CDHR3: variants seen among roughly 807,000 people sequenced by gnomAD.
CDHR3 encodes cadherin-related family member 3.
CDHR3 carries 79 observed loss-of-function variants against 86.6 expected under a neutral mutation model. The observed-to-expected ratio is 0.91, with a 90% CI of 0.76 to 1.10. CDHR3 has a LOEUF of 1.10. Among genes scored for constraint, CDHR3 ranks in the 50% least tolerant of loss-of-function variants. The pLI is 0.00. For missense variants in CDHR3, 1,081 were observed against 1,077.6 expected (o/e 1.00, Z -0.04); for synonymous variants, 421 against 402.4 (o/e 1.05, Z -0.55).
chr7:106,005,752 G>A (rs896333159), intron 8 of CDHR3, among the ~76,000 whole-genome samples: 1 of 152,192 alleles, frequency 6.6e-6, no homozygotes, highest in Non-Finnish European at 1.5e-5. Context: ...TTATACTCAT[G>A]AATGTCTCCC....
chr7:105,984,132 G>A, intron 3 of CDHR3, 60 bp from the exon 4 acceptor site: 1 of 1,034,402 alleles, frequency 9.7e-7, no homozygotes, highest in South Asian at 1.9e-5. Flanking sequence ...CCTTGATTTT[G>A]GAATTCCCCA....
intron 18 of CDHR3, among the ~76,000 whole-genome samples, chr7:106,031,603 C>T (rs1838379274): frequency 6.6e-6 from 1 of 152,162 alleles, no homozygotes; most frequent in Non-Finnish European, 1.5e-5. Flanking sequence ...TTAAATTTCC[C>T]TCTATTATTA....
At chr7:106,007,725 A>G (rs571548363) in intron 8 of CDHR3, among the ~76,000 whole-genome samples, 102 of 152,232 alleles carry the variant, frequency 6.7e-4, no homozygotes, top group African/African-American at 2.4e-3. Flanking sequence ...GGAGTTCCAA[A>G]CTTTCCCACA....
chr7:106,030,063 AT>A lies in CDHR3; in HGVS notation c.2305-727del, dbSNP rs1185632999. 6.6e-6 allele frequency among the ~76,000 whole-genome samples: 1 copy of A among 152,126 alleles called. No individual in the cohort carries two copies. The highest frequency in any genetic ancestry group is 1.9e-4 in the East Asian group (1 of 5,186). ...ATCCTTTAAGTGATAAAAACTGGAG[AT>A]TGGAAAGCTTGCTAAACTCCAAACA... On this transcript the variant is annotated intron_variant, in intron 17 of 18. Transcript: ENST00000317716. The surrounding 1 kb of genome is among the most constrained non-coding windows in gnomAD (Gnocchi z 4.8).
At chr7:105,991,171 A>C (rs1160016131) in intron 4 of CDHR3, among the ~76,000 whole-genome samples, 1 of 152,226 alleles carries the variant, frequency 6.6e-6, no homozygotes, top group Non-Finnish European at 1.5e-5. Context: ...CTGTTTTCCA[A>C]GAATGAATAT....
intron 2 of CDHR3, among the ~76,000 whole-genome samples, chr7:105,979,032 T>A (rs182613375): frequency 6.6e-6 from 1 of 152,260 alleles, no homozygotes; most frequent in East Asian, 1.9e-4. Context: ...CTTGAACAGT[T>A]TTTGACTACT....
intron 2 of CDHR3, among the ~76,000 whole-genome samples, chr7:105,980,729 CCTGA>C (rs1361886147): frequency 2.0e-5 from 3 of 150,676 alleles, no homozygotes; most frequent in Admixed American, 6.7e-5. Flanking sequence ...CAGAAGGTCT[CCTGA>C]CTATTTTTCT....
At chr7:105,974,781 A>T in intron 1 of CDHR3, 63 bp from the exon 2 acceptor site, 1 of 1,343,470 alleles carries the variant, frequency 7.4e-7, no homozygotes, top group Non-Finnish European at 1.1e-6. Context: ...CCAAGCTGTT[A>T]AGTCCCTGTT....
In CDHR3 at chr7:106,034,613, A is replaced by G. The variant is rs1838759351; in HGVS notation, c.*1916A>G. ...TTTGCAAAAGAAGGCAGAACTGTTC[A>G]TTTATGCAGGTTAAAGTGAGTGAAG... On this transcript the variant is annotated 3_prime_UTR_variant, in exon 19 of 19. Coordinates refer to ENST00000317716, the MANE Select transcript of CDHR3 (RefSeq NM_152750.5). Among the ~76,000 whole-genome samples the G allele has an allele frequency of 6.6e-6, 1 of 152,244 alleles. No homozygotes were observed. Among genetic ancestry groups the G allele is most frequent in the South Asian group, 2.1e-4 (1 of 4,834 alleles).
intron 1 of CDHR3, 45 bp from the exon 2 acceptor site, chr7:105,974,799 A>G: frequency 6.5e-7 from 1 of 1,532,174 alleles, no homozygotes; most frequent in Non-Finnish European, 9.0e-7. Context: ...GTTCCCAGCA[A>G]AAGGCTTTGT....
chr7:105,983,589 C>T (rs1313396667), intron 3 of CDHR3, among the ~76,000 whole-genome samples: 1 of 151,990 alleles, frequency 6.6e-6, no homozygotes, highest in Non-Finnish European at 1.5e-5. Context: ...GCTCTGTGGC[C>T]CCTTGGTCAG....
intron 17 of CDHR3, among the ~76,000 whole-genome samples, chr7:106,028,932 CTTTCTT>C (rs1554532726): frequency 8.6e-6 from 1 of 116,054 alleles, no homozygotes; most frequent in African/African-American, 3.3e-5. Context: ...TTCTTTCTTT[CTTTCTT>C]TCTTTCTTTC....
At chr7:105,994,898 A>G in intron 5 of CDHR3, 53 bp downstream of exon 5, 1 of 1,419,088 alleles carries the variant, frequency 7.0e-7, no homozygotes. Flanking sequence ...GGGTCAAGGA[A>G]AACATGAGGG....
intron 2 of CDHR3, among the ~76,000 whole-genome samples, chr7:105,980,607 A>ATTT: frequency 1.0e-5 from 1 of 98,522 alleles, no homozygotes; most frequent in Non-Finnish European, 2.0e-5. Flanking sequence ...TTTTTTTTTA[A>ATTT]TTTTTTTTTT....
chr7:105,971,926 A>C (rs118117238), intron 1 of CDHR3, among the ~76,000 whole-genome samples: 1 of 152,198 alleles, frequency 6.6e-6, no homozygotes, highest in Non-Finnish European at 1.5e-5. Flanking sequence ...ACCAGCCCCC[A>C]CAGCCATGTT....
At chr7:105,988,094 G>T (rs1830789800) in intron 4 of CDHR3, among the ~76,000 whole-genome samples, 2 of 152,092 alleles carry the variant, frequency 1.3e-5, no homozygotes, top group South Asian at 4.1e-4. Flanking sequence ...TCGCTATGTT[G>T]CCCAGGCTGG....
rs190541269 is a variant in CDHR3 at position 105,964,222 on chromosome 7, G to A, written c.46+858G>A. 2.3e-3 allele frequency among the ~76,000 whole-genome samples: 352 copies of A among 151,912 alleles called. 2 individuals are homozygous for A. Among genetic ancestry groups the A allele is most frequent in the South Asian group, 3.7e-3 (18 of 4,800 alleles). ...TTTGAGGTTTCCTTCATATAGATTT[G>A]GTACATTCTTATTATGGTTATTTCT... On this transcript the variant is annotated intron_variant, in intron 1 of 18. Transcript: ENST00000317716.
chr7:106,016,049 C>A, intron 11 of CDHR3, 24 bp downstream of exon 11: 2 of 1,498,206 alleles, frequency 1.3e-6, no homozygotes, highest in Non-Finnish European at 1.8e-6. Flanking sequence ...AAGACACAGA[C>A]CAGAGTGCTG....
chr7:106,028,448 T>A, intron 16 of CDHR3, 103 bp from the exon 17 acceptor site: 1 of 1,239,952 alleles, frequency 8.1e-7, no homozygotes, highest in Non-Finnish European at 1.2e-6. Flanking sequence ...TCTGCAAGAC[T>A]GAGATCGAAG....
Sources: gnomAD v4.1 joint callset for allele counts (sites outside exome capture counted in the v4.1 genomes callset) on GRCh38, gnomAD v4.1.1 for gene constraint, Gnocchi (gnomAD v3.1) non-coding constraint, MANE v1.5 for transcripts, NCBI Gene and HGNC (gene_info 2026-07-23, HGNC 2026-07-21) for gene names.